PCDH7: variants seen among roughly 807,000 people sequenced by gnomAD.
PCDH7 encodes protocadherin 7, also known as protocadherin-7.
Under a neutral mutation model 58.9 loss-of-function variants are expected in PCDH7, and 17 were observed. That is an observed-to-expected ratio of 0.29 (90% CI 0.20 to 0.43). The LOEUF (loss-of-function observed/expected upper bound fraction) is 0.43. Ranked by LOEUF, PCDH7 falls within the 20% of genes least tolerant of loss-of-function variation. PCDH7 has a pLI of 1.00. For synonymous variants in PCDH7, 664 were observed against 616.4 expected, an observed-to-expected ratio of 1.08 and a Z score of -1.14; for missense variants, 1,274 against 1,441.0, an observed-to-expected ratio of 0.88 and a Z score of 1.88.
chr4:30,952,307 A>AT (rs1237028803), intron 3 of PCDH7, among the ~76,000 whole-genome samples: 1 of 152,042 alleles, frequency 6.6e-6, no homozygotes, highest in Admixed American at 6.6e-5. Flanking sequence ...ATTTAACCAA[A>AT]TTTTTTTAAA....
At chr4:30,918,978 G>C (rs1742828013) in intron 1 of PCDH7, among the ~76,000 whole-genome samples, 1 of 151,978 alleles carries the variant, frequency 6.6e-6, no homozygotes, top group South Asian at 2.1e-4. Context: ...AATTCTACTG[G>C]TCCAGGTCGT....
chr4:31,110,588 C>A (rs1716159885), intron 3 of PCDH7, among the ~76,000 whole-genome samples: 1 of 152,132 alleles, frequency 6.6e-6, no homozygotes, highest in African/African-American at 2.4e-5. Flanking sequence ...CCAAGTAGTT[C>A]ATGGCTTTGG....
intron 1 of PCDH7, among the ~76,000 whole-genome samples, chr4:30,785,930 T>C (rs935250812): frequency 6.6e-6 from 1 of 152,038 alleles, no homozygotes; most frequent in African/African-American, 2.4e-5. Flanking sequence ...CACCATCGAA[T>C]TGGAAAAAGA....
intron 3 of PCDH7, among the ~76,000 whole-genome samples, chr4:31,030,679 T>C (rs1474326230): frequency 6.6e-6 from 1 of 152,208 alleles, no homozygotes; most frequent in African/African-American, 2.4e-5. Flanking sequence ...TGTTTAGTAA[T>C]GAACTTTATC....
At chr4:30,797,110 G>A (rs570655315) in intron 1 of PCDH7, among the ~76,000 whole-genome samples, 23 of 152,012 alleles carry the variant, frequency 1.5e-4, no homozygotes, top group Non-Finnish European at 2.2e-4. Flanking sequence ...ACAGGCGCAT[G>A]CCACCACGCC....
chr4:31,085,273 C>G (rs904672443), intron 3 of PCDH7, among the ~76,000 whole-genome samples: 6 of 152,008 alleles, frequency 3.9e-5, no homozygotes, highest in African/African-American at 1.4e-4. Context: ...GTGGGGCCAG[C>G]TGGTCCATCA....
At chr4:31,009,671 C>T (rs1753031397) in intron 3 of PCDH7, among the ~76,000 whole-genome samples, 1 of 151,830 alleles carries the variant, frequency 6.6e-6, no homozygotes, top group Non-Finnish European at 1.5e-5. Flanking sequence ...TATCCTTGGT[C>T]TACACAGCAA....
At chr4:31,101,787 C>T (rs1254386249) in intron 3 of PCDH7, among the ~76,000 whole-genome samples, 3 of 152,098 alleles carry the variant, frequency 2.0e-5, no homozygotes, top group Admixed American at 2.0e-4. Context: ...AAATGCAAGG[C>T]ACTGCGAAGC....
At position 30,826,849 on chromosome 4, in the gene PCDH7, C is replaced by A. The variant is rs189366774; in HGVS notation, c.71-93304C>A. Reference sequence around the variant, plus strand: ...TAAGCAATCCTCCTGCCTCAGCCCCCCAAATAGTTGGGACTACTGGCGCAC... The same window carrying A: ...TAAGCAATCCTCCTGCCTCAGCCCCACAAATAGTTGGGACTACTGGCGCAC... On this transcript the variant is annotated intron_variant, in intron 1 of 3. Transcript: ENST00000509759. Among the ~76,000 whole-genome samples, 318 of 152,184 alleles carry A rather than the reference C, an allele frequency of 2.1e-3. 1 individual carries two copies. Among genetic ancestry groups the A allele is most frequent in the South Asian group, 2.7e-3 (13 of 4,818 alleles).
At chr4:30,996,525 T>C (rs564572304) in intron 3 of PCDH7, among the ~76,000 whole-genome samples, 4 of 151,992 alleles carry the variant, frequency 2.6e-5, no homozygotes, top group East Asian at 1.9e-4. Context: ...CGAGAGACTT[T>C]GTTGGTTTAG....
intron 3 of PCDH7, among the ~76,000 whole-genome samples, chr4:31,136,626 A>G (rs1719634433): frequency 6.6e-6 from 1 of 152,188 alleles, no homozygotes; most frequent in Admixed American, 6.5e-5. Flanking sequence ...TACTTAGATA[A>G]CTATAAATTT....
intron 1 of PCDH7, among the ~76,000 whole-genome samples, chr4:30,769,437 T>G (rs1721129039): frequency 6.6e-6 from 1 of 152,226 alleles, no homozygotes; most frequent in Admixed American, 6.5e-5. Flanking sequence ...CATGCATATA[T>G]TTATCCGATA....
chr4:31,003,196 T>C (rs1422484186), intron 3 of PCDH7, among the ~76,000 whole-genome samples: 4 of 152,146 alleles, frequency 2.6e-5, no homozygotes, highest in Non-Finnish European at 5.9e-5. Context: ...TTCATTTAAA[T>C]ATGTAACTTT....
intron 1 of PCDH7, among the ~76,000 whole-genome samples, chr4:30,787,331 A>C (rs1723536322): frequency 6.6e-6 from 1 of 152,102 alleles, no homozygotes. Context: ...CAGGATTGAA[A>C]TCCGAGAAAA....
At chr4:31,085,807 T>C (rs1712338161) in intron 3 of PCDH7, among the ~76,000 whole-genome samples, 1 of 152,054 alleles carries the variant, frequency 6.6e-6, no homozygotes, top group Non-Finnish European at 1.5e-5. Flanking sequence ...AAAAATATAT[T>C]GTGACATCCT....
At chr4:30,792,273 G>T (rs551673888) in intron 1 of PCDH7, among the ~76,000 whole-genome samples, 5 of 152,190 alleles carry the variant, frequency 3.3e-5, no homozygotes, top group African/African-American at 1.2e-4. Flanking sequence ...ATTAATAATC[G>T]TGACTGGAAA....
intron 2 of PCDH7, among the ~76,000 whole-genome samples, chr4:30,945,049 T>C (rs1260750118): frequency 6.6e-6 from 1 of 152,080 alleles, no homozygotes; most frequent in Non-Finnish European, 1.5e-5. Context: ...GAAAAATATA[T>C]CTCAGCTCCA....
chr4:30,738,604 C>T (rs1159199777), intron 1 of PCDH7, among the ~76,000 whole-genome samples: 1 of 152,002 alleles, frequency 6.6e-6, no homozygotes, highest in African/African-American at 2.4e-5. Flanking sequence ...ATTCTGCTAA[C>T]CAATAAGTGC....
At position 31,056,494 on chromosome 4, in the gene PCDH7, AAAGAAAGAAAGAAAGAAAGAAAGGGGAAG is replaced by A. The variant is rs1560608779; in HGVS notation, c.*8-85978_*8-85950del. On this transcript the variant is annotated intron_variant, in intron 3 of 3. Transcript: ENST00000509759. ...GAAAGAAAGAAAGAAAGAAAGAAAG[AAAGAAAGAAAGAAAGAAAGAAAGGGGAAG>A]GGAAGGGAAGGAAGGAGAGAGGGAG... Among the ~76,000 whole-genome samples, 174 of 138,442 alleles carry A rather than the reference AAAGAAAGAAAGAAAGAAAGAAAGGGGAAG, an allele frequency of 1.3e-3. 1 individual carries two copies. In the East Asian group the frequency reaches 0.013, roughly 10 times the overall value. 90.8% of individuals were successfully genotyped at this position (138,442 alleles called of 152,430 possible). A position where few individuals can be genotyped will look rare whatever the true frequency, so the allele number is the denominator to read the frequency against.
Sources: allele counts gnomAD v4.1 joint callset (sites outside exome capture counted in the v4.1 genomes callset), GRCh38; gene constraint gnomAD v4.1.1; transcripts MANE v1.5; gene names NCBI Gene and HGNC (gene_info 2026-07-23, HGNC 2026-07-21).